Variants in MCF2L observed in about 807,000 individuals in gnomAD.
MCF2L encodes MCF.2 cell line derived transforming sequence like, also known as guanine nucleotide exchange factor DBS.
A neutral mutation model predicts 153.4 loss-of-function variants in MCF2L; 97 were observed. The observed-to-expected ratio is 0.63, with a 90% CI of 0.54 to 0.75. MCF2L has a LOEUF of 0.75. MCF2L is among the 30% of genes least tolerant of loss of function. MCF2L has a pLI of 0.00. For missense variants in MCF2L, 1,347 were observed against 1,495.2 expected, an observed-to-expected ratio of 0.90 and a Z score of 1.64; for synonymous variants, 659 against 632.2, an observed-to-expected ratio of 1.04 and a Z score of -0.64.
chr13:112,921,001 A>C (rs1190453506), intron 2 of MCF2L, among the ~76,000 whole-genome samples: 2 of 136,150 alleles, frequency 1.5e-5, no homozygotes, highest in Admixed American at 1.4e-4. Context: ...CCTCATCTCT[A>C]CTAAAAAAAA....
At chr13:112,923,119 C>T (rs1301101632) in intron 2 of MCF2L, among the ~76,000 whole-genome samples, 1 of 152,104 alleles carries the variant, frequency 6.6e-6, no homozygotes, top group East Asian at 1.9e-4. Flanking sequence ...TCAGATTCCT[C>T]AATATTATGT....
intron 3 of MCF2L, chr13:113,026,954 G>A (rs754038704): frequency 1.3e-5 from 10 of 777,786 alleles, no homozygotes; most frequent in South Asian, 1.4e-5. Flanking sequence ...TGATGTGCTC[G>A]TCCCAGCCTC....
At chr13:112,968,546 C>T (rs1444069656), upstream of MCF2L, 4 of 1,551,762 alleles carry the variant, frequency 2.6e-6, no homozygotes, top group Non-Finnish European at 3.5e-6. Flanking sequence ...GATGCCCCTG[C>T]GGGGAGGGGC....
At chr13:113,092,066 C>T (rs1163530070) in intron 26 of MCF2L, among the ~76,000 whole-genome samples, 1 of 152,212 alleles carries the variant, frequency 6.6e-6, no homozygotes, top group Non-Finnish European at 1.5e-5. Context: ...CTTCGAGGCC[C>T]CAGGAGTGCT....
chr13:112,911,996 A>G (rs1389769581), intron 2 of MCF2L, among the ~76,000 whole-genome samples: 7 of 152,188 alleles, frequency 4.6e-5, no homozygotes, highest in African/African-American at 1.7e-4. Flanking sequence ...AGAAAAAACA[A>G]TGTCTTCATT....
At chr13:113,037,352 C>T (rs1383554994) in intron 3 of MCF2L, among the ~76,000 whole-genome samples, 1 of 152,216 alleles carries the variant, frequency 6.6e-6, no homozygotes, top group Non-Finnish European at 1.5e-5. Context: ...GGAATTGTAA[C>T]CAAAGATGAA....
chr13:112,938,812 G>T (rs536243255), intron 2 of MCF2L, among the ~76,000 whole-genome samples: 1 of 152,144 alleles, frequency 6.6e-6, no homozygotes, highest in East Asian at 1.9e-4. Flanking sequence ...CGAGGCAGAC[G>T]CTGTGGCCAG....
Position 113,074,905 on chromosome 13 carries a change from C to T in MCF2L, c.1117-93C>T, listed in dbSNP as rs1017047488. 34 of 1,128,102 alleles carry T rather than the reference C, an allele frequency of 3.0e-5. No homozygotes were observed. Among genetic ancestry groups the T allele is most frequent in the South Asian group, 1.5e-4 (10 of 67,886 alleles). The allele number at this position is 1,128,102 out of a possible 1,614,324, so 69.9% of individuals were successfully genotyped here. ...CAGTAAACAAAGAAATCAAGACACA[C>T]GTGTGCCCCGGGACACACATCCCGT... On this transcript the variant is annotated intron_variant, in intron 10 of 29. Coordinates refer to ENST00000535094, the MANE Select transcript of MCF2L (RefSeq NM_001112732.3). This position sits in a 1 kb window ranked among gnomAD's most constrained non-coding sequence, Gnocchi z 4.2.
At chr13:113,088,744 C>A in intron 25 of MCF2L, 116 bp downstream of exon 25, 2 of 1,052,978 alleles carry the variant, frequency 1.9e-6, no homozygotes, top group Non-Finnish European at 2.8e-6. Context: ...TGGGGTTTTC[C>A]TTGAGGCCCC....
intron 1 of MCF2L, chr13:112,979,729 G>T (rs753594570): frequency 5.6e-6 from 9 of 1,612,418 alleles, no homozygotes; most frequent in Non-Finnish European, 7.6e-6. Flanking sequence ...CCCAGGAGGC[G>T]CCGGGGAACT....
At chr13:113,021,242 CTGTA>C (rs1366696477) in intron 2 of MCF2L, among the ~76,000 whole-genome samples, 7 of 151,402 alleles carry the variant, frequency 4.6e-5, no homozygotes, top group Admixed American at 1.3e-4. Context: ...GTGTGTGTAA[CTGTA>C]TGTGTGTATA....
At chr13:113,094,709 C>T (rs1194038674) in intron 27 of MCF2L, 74 bp downstream of exon 27, 1 of 1,533,136 alleles carries the variant, frequency 6.5e-7, no homozygotes, top group Non-Finnish European at 8.8e-7. Context: ...CTGGCAGGTC[C>T]ACCCAGGCTT....
upstream of MCF2L, among the ~76,000 whole-genome samples, chr13:112,968,158 G>A (rs1171200053): frequency 8.0e-6 from 1 of 124,492 alleles, no homozygotes; most frequent in African/African-American, 2.9e-5. Context: ...GGGGGGTCTT[G>A]CTACATTGCC....
intron 1 of MCF2L, among the ~76,000 whole-genome samples, chr13:112,975,013 T>C (rs968496657): frequency 1.4e-4 from 22 of 152,176 alleles, no homozygotes; most frequent in Non-Finnish European, 1.6e-4. Context: ...CGTTTCCACG[T>C]CAGCTCACGT....
Position 113,055,368 on chromosome 13 carries a change from GA to G in MCF2L, c.370-5224del, listed in dbSNP as rs1377526228. Reference sequence around the variant, plus strand: ...AATAGTTGCACCTGCTGGAGACGTGGACCCCCCCCCCCGCCACACACACACA... The same window carrying G: ...AATAGTTGCACCTGCTGGAGACGTGGCCCCCCCCCCCGCCACACACACACA... On this transcript the variant is annotated intron_variant, in intron 4 of 29. Transcript: ENST00000535094. Among the ~76,000 whole-genome samples the G allele has an allele frequency of 4.9e-3, 232 of 47,368 alleles. 3 individuals are homozygous for G. Among genetic ancestry groups the G allele is most frequent in the African/African-American group, 0.02 (186 of 9,498 alleles). 31.1% of individuals were successfully genotyped at this position (47,368 alleles called of 152,430 possible).
intron 26 of MCF2L, chr13:113,093,460 A>T (rs2142115913): frequency 6.6e-6 from 1 of 152,426 alleles, no homozygotes; most frequent in South Asian, 2.1e-4. Context: ...TCCGCTTAGC[A>T]CAGGCTTTTC....
chr13:113,077,730 G>T (rs1274113945), intron 13 of MCF2L, among the ~76,000 whole-genome samples: 1 of 152,150 alleles, frequency 6.6e-6, no homozygotes, highest in Non-Finnish European at 1.5e-5. Flanking sequence ...TCTATGCCGA[G>T]CCAGGCACGG....
At chr13:112,982,410 G>A (rs2082468228) in intron 1 of MCF2L, among the ~76,000 whole-genome samples, 1 of 152,224 alleles carries the variant, frequency 6.6e-6, no homozygotes, top group African/African-American at 2.4e-5. Context: ...AAGCCACAGA[G>A]TGGGTGGCAG....
chr13:112,913,524 G>A lies in MCF2L; in HGVS notation c.169+11153G>A, dbSNP rs1362326019. ...TCTTTGATCATTGAGTTGAGAATGA[G>A]TTTACTCAATAATTTTAAAATGCCT... On this transcript the variant is annotated intron_variant, in intron 2 of 29. Transcript: ENST00000375608. Among the ~76,000 whole-genome samples, 33 of 152,210 alleles carry A rather than the reference G, an allele frequency of 2.2e-4. 1 individual carries two copies. Among genetic ancestry groups the A allele is most frequent in the Admixed American group, 2.1e-3 (32 of 15,282 alleles).
Sources: allele counts gnomAD v4.1 joint callset (sites outside exome capture counted in the v4.1 genomes callset), GRCh38; gene constraint gnomAD v4.1.1; non-coding constraint Gnocchi (gnomAD v3.1); transcripts MANE v1.5; gene names NCBI Gene and HGNC (gene_info 2026-07-23, HGNC 2026-07-21).